Variants in LRRTM3 observed in about 807,000 individuals in gnomAD.
LRRTM3 encodes the protein leucine-rich repeat transmembrane neuronal protein 3.
A neutral mutation model predicts 44.7 loss-of-function variants in LRRTM3; 24 were observed. The observed-to-expected ratio is 0.54, with a 90% CI of 0.39 to 0.76. The LOEUF (loss-of-function observed/expected upper bound fraction) is 0.76. Among genes scored for constraint, LRRTM3 ranks in the 30% least tolerant of loss-of-function variants. LRRTM3 has a pLI of 0.00. For synonymous variants in LRRTM3, 277 were observed against 278.7 expected (o/e 0.99, Z 0.06); for missense variants, 587 against 702.2 (o/e 0.84, Z 1.85).
intron 2 of LRRTM3, among the ~76,000 whole-genome samples, chr10:67,064,622 G>A (rs1855960015): frequency 6.6e-6 from 1 of 152,044 alleles, no homozygotes; most frequent in South Asian, 2.1e-4. Flanking sequence ...TGTCAATAAG[G>A]TTATTCACAG....
intron 2 of LRRTM3, among the ~76,000 whole-genome samples, chr10:66,952,923 C>G (rs946716853): frequency 1.3e-4 from 19 of 151,962 alleles, no homozygotes; most frequent in African/African-American, 4.6e-4. Flanking sequence ...GTGTTACAGC[C>G]GTTCAGAATG....
chr10:66,972,867 C>T (rs867040891), intron 2 of LRRTM3, among the ~76,000 whole-genome samples: 2 of 151,600 alleles, frequency 1.3e-5, no homozygotes, highest in South Asian at 2.1e-4. Flanking sequence ...CCTGCCACCA[C>T]GCCTGGCTAA....
chr10:66,957,428 G>A lies in LRRTM3; in HGVS notation c.1536+28976G>A, dbSNP rs202059710. On this transcript the variant is annotated intron_variant, in intron 2 of 2. Transcript: ENST00000361320. ...TATATATATATGCATATATATATATGCATATATATATATGCATATATATAT... is the reference window on the plus strand; with the variant it reads ...TATATATATATGCATATATATATATACATATATATATATGCATATATATAT... Among the ~76,000 whole-genome samples the A allele has an allele frequency of 4.5e-4, 11 of 24,252 alleles. 1 individual carries two copies. The highest frequency in any genetic ancestry group is 3.6e-3 in the African/African-American group (10 of 2,782). The allele number at this position is 24,252 out of a possible 152,430, so 15.9% of individuals were successfully genotyped here. A position where few individuals can be genotyped will look rare whatever the true frequency, so the allele number is the denominator to read the frequency against.
At chr10:67,048,719 A>G (rs1345872111) in intron 2 of LRRTM3, among the ~76,000 whole-genome samples, 2 of 152,106 alleles carry the variant, frequency 1.3e-5, no homozygotes, top group African/African-American at 2.4e-5. Context: ...AAACAGGTAC[A>G]TGATAAAATG....
intron 2 of LRRTM3, among the ~76,000 whole-genome samples, chr10:66,962,306 C>T (rs1462755535): frequency 6.6e-6 from 1 of 152,178 alleles, no homozygotes; most frequent in African/African-American, 2.4e-5. Flanking sequence ...AAGAGAACTT[C>T]CTCATGGTCT....
intron 2 of LRRTM3, among the ~76,000 whole-genome samples, chr10:66,997,233 C>T (rs554468999): frequency 1.3e-5 from 2 of 152,240 alleles, no homozygotes; most frequent in South Asian, 4.1e-4. Context: ...ACTCACATAT[C>T]CTATTCATAG....
Position 66,927,808 on chromosome 10 carries a change from T to A in LRRTM3, c.892T>A (p.Leu298Met). Residue 298 changes from leucine (L) to methionine (M), a missense_variant, in exon 2 of 3, where the codon TTG becomes ATG. Physicochemically the swap from Leu to Met is conservative, Grantham distance 15 (BLOSUM62 2). This residue lies in a region of LRRTM3 where 222 missense variants were observed against 323.3 expected (regional missense o/e 0.69). Transcript: ENST00000361320. The surrounding 1 kb of genome is among the most constrained non-coding windows in gnomAD (Gnocchi z 4.7). ...NKLTFIGQEI[L>M]DSWISLNDIS... is the part of the protein sequence containing the mutation. The stretch of plus-strand genomic sequence containing the variant: ...GCTCACATTTATTGGTCAAGAGATT[T>A]TGGATTCTTGGATATCCCTCAATGA... 6.2e-7 allele frequency: 1 copy of A among 1,614,218 alleles called. No individual in the cohort carries two copies. Among genetic ancestry groups the A allele is most frequent in the Non-Finnish European group, 8.5e-7 (1 of 1,180,036 alleles).
rs74141786 is a variant in LRRTM3 at position 67,068,031 on chromosome 10, A to C, written c.1537-29556A>C. Among the ~76,000 whole-genome samples, 636 of 152,334 alleles carry C rather than the reference A, an allele frequency of 4.2e-3. 5 individuals are homozygous for C. The highest frequency in any genetic ancestry group is 0.015 in the African/African-American group (606 of 41,584). ...CAATCACCAAGTGAAGAATTAAAGA[A>C]CATCCTAGTAAGAGAAATAAATGCC... On this transcript the variant is annotated intron_variant, in intron 2 of 2. Coordinates refer to ENST00000361320, the MANE Select transcript of LRRTM3 (RefSeq NM_178011.5).
At chr10:66,977,032 G>A (rs1015842694) in intron 2 of LRRTM3, among the ~76,000 whole-genome samples, 23 of 152,136 alleles carry the variant, frequency 1.5e-4, no homozygotes, top group African/African-American at 5.6e-4. Context: ...AGGAGAATTA[G>A]CCAATGGTTG....
At chr10:66,965,378 T>G (rs1849346487) in intron 2 of LRRTM3, among the ~76,000 whole-genome samples, 1 of 151,528 alleles carries the variant, frequency 6.6e-6, no homozygotes, top group Admixed American at 6.6e-5. Context: ...CTACTAAAAA[T>G]ACAAAAATTA....
intron 2 of LRRTM3, among the ~76,000 whole-genome samples, chr10:67,042,462 T>G (rs537145047): frequency 6.6e-6 from 1 of 152,156 alleles, no homozygotes; most frequent in Non-Finnish European, 1.5e-5. Context: ...TCTAAGCATG[T>G]AGATTTTTAG....
At chr10:67,081,364 C>A (rs998416157) in intron 2 of LRRTM3, among the ~76,000 whole-genome samples, 1 of 152,166 alleles carries the variant, frequency 6.6e-6, no homozygotes, top group Non-Finnish European at 1.5e-5. Context: ...GTAATACAAT[C>A]ATCTCTTTCA....
chr10:66,993,223 T>C (rs563902164), intron 2 of LRRTM3, among the ~76,000 whole-genome samples: 1 of 152,236 alleles, frequency 6.6e-6, no homozygotes, highest in Non-Finnish European at 1.5e-5. Flanking sequence ...ATGTGGCTAT[T>C]TGAGCTTTGG....
chr10:66,935,716 C>T (rs949810540), intron 2 of LRRTM3, among the ~76,000 whole-genome samples: 1 of 150,750 alleles, frequency 6.6e-6, no homozygotes, highest in African/African-American at 2.5e-5. Context: ...TATTATGTAC[C>T]AGGAATTTGT....
In LRRTM3 at chr10:67,055,396, G is replaced by C. The variant is rs116595083; in HGVS notation, c.1537-42191G>C. Among the ~76,000 whole-genome samples, 416 of 151,834 alleles carry C rather than the reference G, an allele frequency of 2.7e-3. 3 individuals carry two copies. Among genetic ancestry groups the C allele is most frequent in the African/African-American group, 9.4e-3 (387 of 41,388 alleles). On this transcript the variant is annotated intron_variant, in intron 2 of 2. Coordinates refer to ENST00000361320, the MANE Select transcript of LRRTM3 (RefSeq NM_178011.5). ...ACTATAGACACAGAAAGCAGTCATG[G>C]ACAGAGATTCACAACAGAACTTTAC...
chr10:66,957,001 A>G (rs1848827043), intron 2 of LRRTM3, among the ~76,000 whole-genome samples: 1 of 152,230 alleles, frequency 6.6e-6, no homozygotes, highest in South Asian at 2.1e-4. Flanking sequence ...CATGGAATGT[A>G]GAAGATAATT....
intron 2 of LRRTM3, among the ~76,000 whole-genome samples, chr10:66,994,372 G>C (rs1043768892): frequency 1.3e-5 from 2 of 152,200 alleles, no homozygotes; most frequent in African/African-American, 2.4e-5. Context: ...ATTAGGTACA[G>C]TGTGGAACAA....
chr10:66,985,653 G>A (rs1221323064), intron 2 of LRRTM3, among the ~76,000 whole-genome samples: 2 of 152,108 alleles, frequency 1.3e-5, no homozygotes, highest in Non-Finnish European at 2.9e-5. Flanking sequence ...GGAAGGGCAG[G>A]TGGAAATGAT....
chr10:66,944,050 T>C (rs1486678442), intron 2 of LRRTM3, among the ~76,000 whole-genome samples: 1 of 152,114 alleles, frequency 6.6e-6, no homozygotes, highest in Non-Finnish European at 1.5e-5. Flanking sequence ...GAAAATAAGA[T>C]AACAAGGATG....
Sources: gnomAD v4.1 joint callset for allele counts (sites outside exome capture counted in the v4.1 genomes callset) on GRCh38, gnomAD v4.1.1 for gene constraint, gnomAD v4.1.1 regional missense constraint, Gnocchi (gnomAD v3.1) non-coding constraint, MANE v1.5 for transcripts, NCBI Gene and HGNC (gene_info 2026-07-23, HGNC 2026-07-21) for gene names.